NBN: variants seen among roughly 807,000 people sequenced by gnomAD.
NBN encodes nibrin.
Under a neutral mutation model 90.8 loss-of-function variants are expected in NBN, and 88 were observed. The observed-to-expected ratio is 0.97, with a 90% CI of 0.82 to 1.16. The LOEUF is 1.16. Among genes scored for constraint, NBN ranks in the 50% most tolerant of loss-of-function variants. NBN has a pLI of 0.00. For missense variants in NBN, 894 were observed against 869.6 expected (o/e 1.03, Z -0.35); for synonymous variants, 328 against 295.1 (o/e 1.11, Z -1.14).
At chr8:89,956,952 A>C (rs527866216) in intron 9 of NBN, among the ~76,000 whole-genome samples, 17 of 152,306 alleles carry the variant, frequency 1.1e-4, no homozygotes, top group African/African-American at 3.8e-4. Context: ...ATGTAAACAA[A>C]CCTATGCTGC....
In NBN at chr8:89,935,522, T is replaced by C. The variant is rs370246957; in HGVS notation, c.*60A>G. 2.3e-5 allele frequency: 37 copies of C among 1,600,328 alleles called. No homozygotes were observed. Among genetic ancestry groups the C allele is most frequent in the Admixed American group, 3.3e-5 (2 of 59,788 alleles). On this transcript the variant is annotated 3_prime_UTR_variant, in exon 16 of 16. Transcript: ENST00000265433. ...TACACTATATATTCATATAACCTTG[T>C]TGGCCTGAAGTAGATGCTTACTAGG...
rs1455015750 is a variant in NBN at position 89,935,441 on chromosome 8, G to A, written c.*141C>T. ...TTACATACAAAAGAATCAAAGTTTT[G>A]TGCATTTTATTTAATAAATTTAGGC... On this transcript the variant is annotated 3_prime_UTR_variant, in exon 16 of 16. Coordinates refer to ENST00000265433, the MANE Select transcript of NBN (RefSeq NM_002485.5). The A allele has an allele frequency of 4.4e-5, 41 of 939,596 alleles. No individual in the cohort carries two copies. The highest frequency in any genetic ancestry group is 5.7e-5 in the Non-Finnish European group (35 of 615,462). 58.2% of individuals were successfully genotyped at this position (939,596 alleles called of 1,614,324 possible). A position where few individuals can be genotyped will look rare whatever the true frequency, so the allele number is the denominator to read the frequency against.
chr8:89,978,446 T>G (rs1466325339), intron 4 of NBN, 123 bp from the exon 5 acceptor site: 2 of 749,302 alleles, frequency 2.7e-6, no homozygotes, highest in Non-Finnish European at 4.3e-6. Flanking sequence ...TTCCCTTTCA[T>G]CTCTCTAAAT....
intron 7 of NBN, among the ~76,000 whole-genome samples, chr8:89,965,928 C>A (rs1188795958): frequency 6.6e-6 from 1 of 152,066 alleles, no homozygotes; most frequent in Non-Finnish European, 1.5e-5. Context: ...ATCTAAAAAA[C>A]CTTTATAATC....
chr8:89,947,889 CT>C lies in NBN; in HGVS notation c.1848del (p.Glu617LysfsTer40), dbSNP rs1057516611. 1 of 1,549,686 alleles carries C rather than the reference CT, an allele frequency of 6.5e-7. No individual in the cohort carries two copies. The highest frequency in any genetic ancestry group is 8.9e-7 in the Non-Finnish European group (1 of 1,129,794). On this transcript the variant is annotated frameshift_variant and splice_region_variant, in exon 12 of 16. Coordinates refer to ENST00000265433, the MANE Select transcript of NBN (RefSeq NM_002485.5). LOFTEE classifies it high-confidence loss of function. ...TCACGTTTCTTCCCAATTTCATTTT[CT>C]TGCTAAAGAAATAAAATAAAAAATA... ...EAVPESSKIS[Q>X]ENEIGKKREL...
intron 7 of NBN, among the ~76,000 whole-genome samples, chr8:89,965,632 G>A (rs1023083021): frequency 7.9e-5 from 12 of 151,942 alleles, no homozygotes; most frequent in African/African-American, 2.9e-4. Flanking sequence ...TGGAACCACA[G>A]GCGCGCACCA....
intron 11 of NBN, among the ~76,000 whole-genome samples, chr8:89,951,346 C>T (rs948053289): frequency 6.2e-5 from 9 of 145,238 alleles, no homozygotes; most frequent in Non-Finnish European, 1.2e-4. Flanking sequence ...AAAGCATGTA[C>T]TAGGACAAGA....
intron 5 of NBN, among the ~76,000 whole-genome samples, chr8:89,971,551 A>G (rs539205465): frequency 6.6e-6 from 1 of 152,362 alleles, no homozygotes; most frequent in East Asian, 1.9e-4. Flanking sequence ...GTAGACAATC[A>G]TAACAGGATG....
At chr8:89,983,960 C>G (rs1343088376) in intron 1 of NBN, among the ~76,000 whole-genome samples, 2 of 152,134 alleles carry the variant, frequency 1.3e-5, no homozygotes, top group African/African-American at 4.8e-5. Flanking sequence ...ACACCCACCA[C>G]GGGCAACCAA....
Position 89,953,247 on chromosome 8 carries a change from T to C in NBN, c.1842A>G (p.Ile614Met), listed in dbSNP as rs770345026. The C allele has an allele frequency of 6.3e-7, 1 of 1,595,472 alleles. No homozygotes were observed. The highest frequency in any genetic ancestry group is 8.6e-7 in the Non-Finnish European group (1 of 1,163,904). The change falls in exon 11 of 16, where the codon ATA becomes ATG. Residue 614 changes from isoleucine (I) to methionine (M), a missense_variant. Ile to Met is a conservative substitution (Grantham distance 10). Coordinates refer to ENST00000265433, the MANE Select transcript of NBN (RefSeq NM_002485.5). Reference protein sequence around the residue: ...SDEAVPESSKISQENEIGKKR... With the variant: ...SDEAVPESSKMSQENEIGKKR... ...TCTCATTTAAAATGTTACTTACAGA[T>C]ATTTTGCTACTTTCTGGTACTGCTT... is the stretch of plus-strand genomic sequence containing the variant.
rs370058152 is a variant in NBN at position 89,937,045 on chromosome 8, G to C, written c.2215C>G (p.Leu739Val). 1.7e-5 allele frequency: 27 copies of C among 1,611,986 alleles called. No individual in the cohort carries two copies. The highest frequency in any genetic ancestry group is 2.7e-5 in the African/African-American group (2 of 74,894). ...CTTTACCTAAAAAGATCATCAGCAA[G>C]AGACTCTTCTTTTGCATGTTGATTT... ...VQNQHAKEES[L>V]ADDLFRYNPY... Residue 739 changes from leucine to valine, a missense_variant, in exon 15 of 16, where the codon CTT becomes GTT. Leu to Val is a conservative substitution (Grantham distance 32). Coordinates refer to ENST00000265433, the MANE Select transcript of NBN (RefSeq NM_002485.5).
At chr8:89,964,268 G>T in intron 8 of NBN, 142 bp downstream of exon 8, 1 of 912,878 alleles carries the variant, frequency 1.1e-6, no homozygotes, top group Non-Finnish European at 1.7e-6. Flanking sequence ...TTTATGGAAT[G>T]AATAAATGAA....
intron 11 of NBN, among the ~76,000 whole-genome samples, chr8:89,948,614 C>T (rs1206471603): frequency 1.3e-5 from 2 of 152,060 alleles, no homozygotes; most frequent in South Asian, 2.1e-4. Flanking sequence ...TAACATTTTA[C>T]GTCACATTTT....
chr8:89,970,380 T>A lies in NBN; in HGVS notation c.880A>T (p.Met294Leu), dbSNP rs746381477. Residue 294 changes from methionine (M) to leucine (L), a missense_variant, in exon 7 of 16, where the codon ATG (methionine) becomes TTG (leucine). Coordinates refer to ENST00000265433, the MANE Select transcript of NBN (RefSeq NM_002485.5). Reference protein sequence around the residue: ...DCQKKWIQSIMDMLQRQGLRP... With the variant: ...DCQKKWIQSILDMLQRQGLRP... ...ATTCTATACCTTTGGAGCATATCCA[T>A]TATTGACTGAATCCATTTCTTCTGA... The A allele has an allele frequency of 2.5e-6, 4 of 1,611,556 alleles. No homozygotes were observed. The highest frequency in any genetic ancestry group is 1.6e-4 in the Middle Eastern group (1 of 6,062).
At chr8:89,970,856 T>C (rs1473369633) in intron 6 of NBN, among the ~76,000 whole-genome samples, 1 of 152,220 alleles carries the variant, frequency 6.6e-6, no homozygotes, top group Non-Finnish European at 1.5e-5. Context: ...ACACAGAACA[T>C]ATTCAACTGA....
chr8:89,984,347 G>A, intron 1 of NBN, 178 bp downstream of exon 1: 1 of 674,584 alleles, frequency 1.5e-6, no homozygotes, highest in Non-Finnish European at 2.6e-6. Flanking sequence ...CCAGCTCACA[G>A]CCGCCGTGCT....
chr8:89,972,852 T>C (rs966185836), intron 5 of NBN, among the ~76,000 whole-genome samples: 4 of 152,214 alleles, frequency 2.6e-5, no homozygotes, highest in Non-Finnish European at 4.4e-5. Context: ...ACTATAAAAC[T>C]ATGACTGAGT....
At chr8:89,938,402 T>A (rs1809787561) in intron 14 of NBN, among the ~76,000 whole-genome samples, 1 of 152,242 alleles carries the variant, frequency 6.6e-6, no homozygotes, top group Admixed American at 6.5e-5. Context: ...TGTTTATTTT[T>A]ACTGTTACTA....
At position 89,937,239 on chromosome 8, in the gene NBN, T is replaced by C. The variant is rs1809734660; in HGVS notation, c.2185-164A>G. On this transcript the variant is annotated intron_variant, in intron 14 of 15. Transcript: ENST00000265433. Reference sequence around the variant, plus strand: ...TATTTCATTCAACTGATCCTCTATATTTTCAATCCATGCTAAGATTATTAC... The same window carrying C: ...TATTTCATTCAACTGATCCTCTATACTTTCAATCCATGCTAAGATTATTAC... The C allele has an allele frequency of 7.7e-6, 5 of 646,668 alleles. No individual in the cohort carries two copies. In the South Asian group the frequency reaches 9.0e-5, roughly 12 times the overall value. 40.1% of individuals were successfully genotyped at this position (646,668 alleles called of 1,614,324 possible).
Sources: allele counts gnomAD v4.1 joint callset (sites outside exome capture counted in the v4.1 genomes callset), GRCh38; gene constraint gnomAD v4.1.1; transcripts MANE v1.5; gene names NCBI Gene and HGNC (gene_info 2026-07-23, HGNC 2026-07-21).